SLC4A4: variants seen among roughly 807,000 people sequenced by gnomAD.
SLC4A4 encodes the protein electrogenic sodium bicarbonate cotransporter 1.
Under a neutral mutation model 111.5 loss-of-function variants are expected in SLC4A4, and 27 were observed. That is an observed-to-expected ratio of 0.24 (90% CI 0.18 to 0.33). The LOEUF is 0.33. Ranked by LOEUF, SLC4A4 falls within the 10% of genes least tolerant of loss-of-function variation. SLC4A4 has a pLI of 1.00. For missense variants in SLC4A4, 909 were observed against 1,315.5 expected (o/e 0.69, Z 4.78); for synonymous variants, 443 against 463.4 (o/e 0.96, Z 0.57).
At chr4:71,382,417 A>G (rs1367954043) in intron 6 of SLC4A4, among the ~76,000 whole-genome samples, 3 of 152,200 alleles carry the variant, frequency 2.0e-5, no homozygotes, top group African/African-American at 7.2e-5. Flanking sequence ...CATTATTTCT[A>G]AGGTGACTAA....
In SLC4A4 at chr4:71,497,462, A is replaced by T. The variant is rs557809376; in HGVS notation, c.1975-39A>T. The T allele has an allele frequency of 5.2e-6, 8 of 1,543,024 alleles. No homozygotes were observed. The African/African-American group carries it at 1.1e-4, about 21-fold the overall frequency. On this transcript the variant is annotated intron_variant, in intron 15 of 25. Transcript: ENST00000264485. The stretch of plus-strand genomic sequence containing the variant: ...TATCAAAGGCTGCTTTTTATATGTC[A>T]ATGTTCTCTAGAAAAATTTTAATGT...
At chr4:71,507,609 G>A (rs899953669) in intron 16 of SLC4A4, among the ~76,000 whole-genome samples, 10 of 152,054 alleles carry the variant, frequency 6.6e-5, no homozygotes, top group African/African-American at 1.7e-4. Flanking sequence ...ATTAGAGACC[G>A]TCAAAGTGAC....
intron 2 of SLC4A4, among the ~76,000 whole-genome samples, chr4:71,125,327 A>T (rs1398036198): frequency 1.3e-5 from 2 of 152,186 alleles, no homozygotes; most frequent in Non-Finnish European, 2.9e-5. Flanking sequence ...AGTGGCTCAT[A>T]CCTGTAATCC....
chr4:71,517,886 AC>A (rs35571079), intron 16 of SLC4A4, among the ~76,000 whole-genome samples: 65,611 of 151,986 alleles, frequency 0.43, 17,631 homozygotes, highest in African/African-American at 0.73. Flanking sequence ...AGGTGAGTGC[AC>A]CTGGCACCTG....
At chr4:71,309,899 ATG>A (rs1345745908) in intron 3 of SLC4A4, among the ~76,000 whole-genome samples, 1 of 152,096 alleles carries the variant, frequency 6.6e-6, no homozygotes, top group African/African-American at 2.4e-5. Context: ...CTAAAGAAGC[ATG>A]TTCTAACCCA....
intron 2 of SLC4A4, among the ~76,000 whole-genome samples, chr4:71,168,928 T>G (rs991600436): frequency 6.6e-6 from 1 of 152,202 alleles, no homozygotes; most frequent in Non-Finnish European, 1.5e-5. Flanking sequence ...CATGCAGATA[T>G]CTCTTTGATA....
Position 71,568,568 on chromosome 4 carries a change from T to C in SLC4A4, c.*817T>C, listed in dbSNP as rs1737699574. 1 of 152,220 alleles carries C rather than the reference T, an allele frequency of 6.6e-6. No individual in the cohort carries two copies. Among genetic ancestry groups the C allele is most frequent in the Non-Finnish European group, 1.5e-5 (1 of 67,838 alleles). 9.4% of individuals were successfully genotyped at this position (152,220 alleles called of 1,614,324 possible). On this transcript the variant is annotated 3_prime_UTR_variant, in exon 26 of 26. Transcript: ENST00000264485. ...GTACATTGAAGAATATTTTTCTTCC[T>C]AGATTTTGTTGTTTAAATTATGGGG...
chr4:71,069,743 C>T (rs1314646720), intron 1 of SLC4A4, among the ~76,000 whole-genome samples: 7 of 152,186 alleles, frequency 4.6e-5, no homozygotes, highest in African/African-American at 1.2e-4. Context: ...TTAGCTTCTA[C>T]TCTTTCTCTG....
chr4:71,204,498 T>TGAAA (rs1178923906), intron 1 of SLC4A4, among the ~76,000 whole-genome samples: 1 of 152,218 alleles, frequency 6.6e-6, no homozygotes, highest in East Asian at 1.9e-4. Flanking sequence ...ATTCTTCTTG[T>TGAAA]TTCCATACAG....
intron 3 of SLC4A4, among the ~76,000 whole-genome samples, chr4:71,311,635 A>G (rs1184112416): frequency 1.3e-5 from 2 of 152,282 alleles, no homozygotes; most frequent in East Asian, 1.9e-4. Context: ...TTTGAAACCT[A>G]TGAGAACAAA....
At chr4:71,475,230 A>C (rs548046937) in intron 14 of SLC4A4, among the ~76,000 whole-genome samples, 8 of 151,918 alleles carry the variant, frequency 5.3e-5, no homozygotes, top group African/African-American at 1.9e-4. Context: ...TGTCACACAG[A>C]AAAAAACATC....
intron 3 of SLC4A4, chr4:71,301,200 G>T (rs1725228047): frequency 8.1e-6 from 2 of 247,940 alleles, no homozygotes; most frequent in South Asian, 8.9e-5. Context: ...ACCCACACCA[G>T]ACCTTGGGTG....
chr4:71,107,108 T>G (rs982030177), intron 2 of SLC4A4, among the ~76,000 whole-genome samples: 70 of 152,166 alleles, frequency 4.6e-4, no homozygotes, highest in African/African-American at 1.6e-3. Flanking sequence ...TGTCCTTGGA[T>G]CTAAAGTGAG....
chr4:71,478,313 C>A (rs1728553361), intron 14 of SLC4A4, among the ~76,000 whole-genome samples: 1 of 151,624 alleles, frequency 6.6e-6, no homozygotes, highest in African/African-American at 2.4e-5. Context: ...GCATAAGTGT[C>A]TTTATTGCAG....
Position 71,568,631 on chromosome 4 carries a change from T to C in SLC4A4, c.*880T>C, listed in dbSNP as rs748345541. The C allele has an allele frequency of 1.3e-5, 2 of 151,988 alleles. No homozygotes were observed. Among genetic ancestry groups the C allele is most frequent in the African/African-American group, 4.8e-5 (2 of 41,344 alleles). The allele number at this position is 151,988 out of a possible 1,614,324, so 9.4% of individuals were successfully genotyped here. On this transcript the variant is annotated 3_prime_UTR_variant, in exon 26 of 26. Coordinates refer to ENST00000264485, the MANE Select transcript of SLC4A4 (RefSeq NM_001098484.3). ...CTTATTTTTTGTCAATTTTTAAAAC[T>C]TTTTTTTAATTACTGTAAAGAAAAT...
intron 7 of SLC4A4, among the ~76,000 whole-genome samples, chr4:71,412,646 G>A (rs1280181770): frequency 6.6e-6 from 1 of 152,188 alleles, no homozygotes; most frequent in Non-Finnish European, 1.5e-5. Flanking sequence ...CTCTCCAGGA[G>A]GTCTCATTAT....
chr4:71,087,908 A>G (rs1742237484), intron 1 of SLC4A4, among the ~76,000 whole-genome samples: 1 of 151,924 alleles, frequency 6.6e-6, no homozygotes. Context: ...AGTTCTGTAG[A>G]TGTCTATTAG....
intron 2 of SLC4A4, among the ~76,000 whole-genome samples, chr4:71,158,145 C>A (rs942325526): frequency 1.3e-5 from 2 of 148,198 alleles, no homozygotes; most frequent in Non-Finnish European, 3.0e-5. Context: ...GTGTGTGTCT[C>A]TCTCTCTCTC....
At chr4:71,334,360 C>T (rs1171496977) in intron 3 of SLC4A4, among the ~76,000 whole-genome samples, 1 of 152,022 alleles carries the variant, frequency 6.6e-6, no homozygotes, top group Middle Eastern at 3.2e-3. Flanking sequence ...AGTATCTTAA[C>T]CTACTGTGGC....
Sources: allele counts gnomAD v4.1 joint callset (sites outside exome capture counted in the v4.1 genomes callset), GRCh38; gene constraint gnomAD v4.1.1; transcripts MANE v1.5; gene names NCBI Gene and HGNC (gene_info 2026-07-23, HGNC 2026-07-21).